The following DNAH3 variants were observed in gnomAD, a reference collection of about 807,000 sequenced individuals.
DNAH3 encodes dynein axonemal heavy chain 3, also known as axonemal beta dynein heavy chain 3.
In DNAH3, 332 loss-of-function variants were observed where a neutral mutation model predicts 432.5. That is an observed-to-expected ratio of 0.77 (90% CI 0.70 to 0.84). The LOEUF (loss-of-function observed/expected upper bound fraction) is 0.84. Ranked by LOEUF, DNAH3 falls within the 40% of genes least tolerant of loss-of-function variation. DNAH3 has a pLI of 0.00. For synonymous variants in DNAH3, 1,956 were observed against 1,900.2 expected (o/e 1.03, Z -0.76); for missense variants, 4,861 against 5,114.0 (o/e 0.95, Z 1.51).
At chr16:21,096,066 G>T (rs994323699) in intron 18 of DNAH3, among the ~76,000 whole-genome samples, 4 of 151,674 alleles carry the variant, frequency 2.6e-5, no homozygotes, top group African/African-American at 9.7e-5. Flanking sequence ...CACCATGACT[G>T]GCTTTCTTGT....
chr16:20,999,544 C>G (rs1000085668), intron 43 of DNAH3, among the ~76,000 whole-genome samples: 5 of 152,170 alleles, frequency 3.3e-5, no homozygotes, highest in Admixed American at 3.3e-4. Flanking sequence ...TACGTGTCAA[C>G]AGCAAGATAG....
chr16:20,994,859 T>A (rs12923879), intron 44 of DNAH3, among the ~76,000 whole-genome samples: 11,387 of 152,056 alleles, frequency 0.075, 578 homozygotes, highest in East Asian at 0.17. Context: ...TTTAAAAAAA[T>A]CCTCCTTTTA....
chr16:20,987,786 C>G lies in DNAH3; in HGVS notation c.6789G>C (p.Leu2263Phe). Reference sequence around the variant, plus strand: ...CGTAATGTGACTTCGAGGGAGTTGGCAAGAAGTTCTCCACTGCATCTCTAT... The same window carrying G: ...CGTAATGTGACTTCGAGGGAGTTGGGAAGAAGTTCTCCACTGCATCTCTAT... Residue 2263 changes from leucine (L) to phenylalanine (F), a missense_variant, in exon 46 of 62, where the codon TTG (leucine) becomes TTC (phenylalanine). Transcript: ENST00000261383. 2 of 1,614,092 alleles carry G rather than the reference C, an allele frequency of 1.2e-6. No individual in the cohort carries two copies. The highest frequency in any genetic ancestry group is 1.7e-6 in the Non-Finnish European group (2 of 1,180,024).
Position 20,954,793 on chromosome 16 carries a change from G to C in DNAH3, c.11071+20C>G. On this transcript the variant is annotated intron_variant, in intron 55 of 61. Transcript: ENST00000261383. The stretch of plus-strand genomic sequence containing the variant: ...GATATCCTTTCCCTCAGGCCACTCA[G>C]GTGCACTGTCATCGCTTACCTAGGG... 6.2e-7 allele frequency: 1 copy of C among 1,612,070 alleles called. No homozygotes were observed. Among genetic ancestry groups the C allele is most frequent in the Non-Finnish European group, 8.5e-7 (1 of 1,178,880 alleles).
In DNAH3 at chr16:21,143,426, T is replaced by C. The variant is rs564648176; in HGVS notation, c.448+1755A>G. The stretch of plus-strand genomic sequence containing the variant: ...AGAAGATAGAGAAGACAGATGTCTA[T>C]GAATCAGGAAGAGGACCTTCATCAT... On this transcript the variant is annotated intron_variant, in intron 3 of 61. Coordinates refer to ENST00000261383, the Ensembl canonical transcript of DNAH3. Among the ~76,000 whole-genome samples the C allele has an allele frequency of 5.3e-5, 8 of 152,306 alleles. No individual in the cohort carries two copies. In the East Asian group the frequency reaches 1.3e-3, roughly 26 times the overall value.
Position 21,042,192 on chromosome 16 carries a change from C to G in DNAH3, c.4473G>C (p.Leu1491=), listed in dbSNP as rs193109749. Residue 1491 remains leucine, a synonymous_variant, in exon 32 of 62, where the codon CTG becomes CTC. Coordinates refer to ENST00000261383, the Ensembl canonical transcript of DNAH3. ...TGAGGATCTGCTGAGCGACCACAGA[C>G]AGCACTTCTACCTGGGGTGAGAATG... 1.1e-4 allele frequency: 180 copies of G among 1,603,138 alleles called. No homozygotes were observed. The highest frequency in any genetic ancestry group is 8.3e-4 in the Middle Eastern group (5 of 6,002).
At chr16:21,140,602 A>G in exon 5 of DNAH3, 1 of 1,614,100 alleles carries the variant, frequency 6.2e-7, no homozygotes, top group South Asian at 1.1e-5. Flanking sequence ...GTAACATGAC[A>G]TCGAGCTGCT....
At chr16:21,141,315 T>G (rs111433105) in exon 4 of DNAH3, 1 of 1,589,428 alleles carries the variant, frequency 6.3e-7, no homozygotes, top group South Asian at 1.1e-5. Context: ...GGAATCCTCT[T>G]TGTTTCTGGA....
intron 16 of DNAH3, among the ~76,000 whole-genome samples, chr16:21,099,565 T>C (rs1733148031): frequency 6.6e-6 from 1 of 152,092 alleles, no homozygotes; most frequent in African/African-American, 2.4e-5. Flanking sequence ...GACAGGGTCT[T>C]GAGACAAACA....
chr16:21,140,407 T>C, intron 5 of DNAH3, 129 bp downstream of exon 6: 1 of 952,864 alleles, frequency 1.0e-6, no homozygotes, highest in Non-Finnish European at 1.6e-6. Flanking sequence ...GTAGCCTGTC[T>C]TGGGTCTAGA....
intron 1 of DNAH3, among the ~76,000 whole-genome samples, chr16:21,153,367 T>C (rs1307303851): frequency 1.3e-5 from 2 of 151,768 alleles, no homozygotes; most frequent in Admixed American, 6.6e-5. Context: ...TGGAGAACCT[T>C]TGTGTGGACA....
At chr16:21,139,717 T>C (rs1260759865) in intron 5 of DNAH3, among the ~76,000 whole-genome samples, 1 of 150,682 alleles carries the variant, frequency 6.6e-6, no homozygotes, top group Non-Finnish European at 1.5e-5. Flanking sequence ...ATCCTCCCCA[T>C]TCCTCCTCCT....
chr16:21,102,876 T>C (rs1439848712), intron 16 of DNAH3, among the ~76,000 whole-genome samples: 3 of 146,240 alleles, frequency 2.1e-5, no homozygotes, highest in African/African-American at 7.5e-5. Flanking sequence ...AGACTATTAT[T>C]CTTTTTTTTT....
intron 23 of DNAH3, among the ~76,000 whole-genome samples, chr16:21,068,731 T>C (rs2090667725): frequency 6.6e-6 from 1 of 152,210 alleles, no homozygotes; most frequent in South Asian, 2.1e-4. Context: ...GTTAAATAAC[T>C]GAGTAACCAA....
chr16:21,146,373 T>G (rs2092783557), intron 1 of DNAH3, among the ~76,000 whole-genome samples: 1 of 152,124 alleles, frequency 6.6e-6, no homozygotes, highest in Non-Finnish European at 1.5e-5. Context: ...CTGACCAATA[T>G]GGTGAAACCC....
exon 53 of DNAH3, chr16:20,964,050 T>C (rs1186338773): frequency 6.2e-7 from 1 of 1,614,056 alleles, no homozygotes; most frequent in African/African-American, 1.3e-5. Context: ...TGGAAGCAAC[T>C]TTCTGTTTCT....
chr16:21,081,801 G>A, intron 19 of DNAH3, 74 bp from the exon 20 acceptor site: 1 of 1,292,042 alleles, frequency 7.7e-7, no homozygotes, highest in South Asian at 1.3e-5. Flanking sequence ...TGTGATGATG[G>A]AGATGTTCTT....
chr16:20,991,089 C>G (rs2086534945), intron 44 of DNAH3, among the ~76,000 whole-genome samples: 2 of 152,158 alleles, frequency 1.3e-5, no homozygotes, highest in African/African-American at 4.8e-5. Flanking sequence ...CCACAAAAGC[C>G]TCTCGACAGA....
rs534811606 is a variant in DNAH3 at position 20,993,686 on chromosome 16, C to G, written c.6601+3597G>C. Among the ~76,000 whole-genome samples, 212 of 152,078 alleles carry G rather than the reference C, an allele frequency of 1.4e-3. 2 individuals carry two copies. The highest frequency in any genetic ancestry group is 5.7e-3 in the Admixed American group (87 of 15,272). ...TGTCTAGCTGCCCAAAAGTTTTTTT[C>G]TTTTTTTAAATTTTTGAGACAGGGT... On this transcript the variant is annotated intron_variant, in intron 44 of 61. Transcript: ENST00000261383.
Sources: gnomAD v4.1 joint callset for allele counts (sites outside exome capture counted in the v4.1 genomes callset) on GRCh38, gnomAD v4.1.1 for gene constraint, MANE v1.5 for transcripts, NCBI Gene and HGNC (gene_info 2026-07-23, HGNC 2026-07-21) for gene names.